The following ADCYAP1R1 variants were observed in gnomAD, a reference collection of about 807,000 sequenced individuals.
ADCYAP1R1 encodes pituitary adenylate cyclase-activating polypeptide type I receptor.
In ADCYAP1R1, 44 loss-of-function variants were observed where a neutral mutation model predicts 67.6. The observed-to-expected ratio is 0.65, with a 90% CI of 0.51 to 0.84. The LOEUF (loss-of-function observed/expected upper bound fraction) is 0.84, where lower values mean the gene tolerates loss of function less well. Among genes scored for constraint, ADCYAP1R1 ranks in the 40% least tolerant of loss-of-function variants. The pLI is 0.00. For synonymous variants in ADCYAP1R1, 222 were observed against 219.6 expected, an observed-to-expected ratio of 1.01 and a Z score of -0.10; for missense variants, 477 against 587.9, an observed-to-expected ratio of 0.81 and a Z score of 1.95.
intron 1 of ADCYAP1R1, among the ~76,000 whole-genome samples, chr7:31,061,457 C>T (rs529621344): frequency 4.5e-4 from 68 of 152,300 alleles, no homozygotes; most frequent in Non-Finnish European, 9.3e-4. Context: ...GGTACAGAGA[C>T]GGAAGCCTGA....
intron 3 of ADCYAP1R1, 73 bp downstream of exon 3, chr7:31,065,009 C>CT: frequency 8.3e-7 from 1 of 1,202,880 alleles, no homozygotes; most frequent in Non-Finnish European, 1.2e-6. Context: ...TGCTCAGGCT[C>CT]GGCCAGTGAG....
intron 2 of ADCYAP1R1, 149 bp downstream of exon 2, chr7:31,063,464 T>G: frequency 1.3e-6 from 1 of 790,306 alleles, no homozygotes. Context: ...AGTGCCTTTG[T>G]GTGAATCAGA....
chr7:31,059,860 G>A (rs559253846), intron 1 of ADCYAP1R1, among the ~76,000 whole-genome samples: 2 of 151,804 alleles, frequency 1.3e-5, no homozygotes, highest in East Asian at 3.9e-4. Flanking sequence ...CAGCGGAGTC[G>A]AGGCCTGGGA....
Position 31,105,011 on chromosome 7 carries a change from A to G in ADCYAP1R1, c.1218+102A>G. On this transcript the variant is annotated intron_variant, in intron 15 of 15. Transcript: ENST00000304166. Reference sequence around the variant, plus strand: ...GCCACATGGGACTGACTCTTCAGAGAGGGCTCTGCCAGGCTCCCAGCACTG... The same window carrying G: ...GCCACATGGGACTGACTCTTCAGAGGGGGCTCTGCCAGGCTCCCAGCACTG... The G allele has an allele frequency of 4.8e-6, 6 of 1,244,028 alleles. No individual in the cohort carries two copies. The South Asian group carries it at 7.2e-5, about 15-fold the overall frequency. 77.1% of individuals were successfully genotyped at this position (1,244,028 alleles called of 1,614,324 possible). A position where few individuals can be genotyped will look rare whatever the true frequency, so the allele number is the denominator to read the frequency against.
chr7:31,052,866 C>A (rs1437732363), intron 1 of ADCYAP1R1, among the ~76,000 whole-genome samples, 188 bp downstream of exon 1: 1 of 152,132 alleles, frequency 6.6e-6, no homozygotes, highest in Non-Finnish European at 1.5e-5. Flanking sequence ...AAATGAAGCC[C>A]CCTCCCGCCG....
intron 3 of ADCYAP1R1, among the ~76,000 whole-genome samples, chr7:31,068,180 C>T (rs1266046561): frequency 1.3e-5 from 2 of 151,894 alleles, no homozygotes; most frequent in African/African-American, 4.9e-5. Context: ...GGTTCTCTGT[C>T]TCTGTCTCTC....
At chr7:31,083,139 G>C (rs1417065340) in intron 6 of ADCYAP1R1, among the ~76,000 whole-genome samples, 1 of 152,274 alleles carries the variant, frequency 6.6e-6, no homozygotes, top group Non-Finnish European at 1.5e-5. Flanking sequence ...TGAATGCTGT[G>C]AAGGGAAGAA....
Position 31,110,584 on chromosome 7 carries a change from C to G in ADCYAP1R1, c.*3900C>G, listed in dbSNP as rs1796824111. 1 of 152,454 alleles carries G rather than the reference C, an allele frequency of 6.6e-6. No homozygotes were observed. The highest frequency in any genetic ancestry group is 1.5e-5 in the Non-Finnish European group (1 of 68,050). The allele number at this position is 152,454 out of a possible 1,614,324, so 9.4% of individuals were successfully genotyped here. A position where few individuals can be genotyped will look rare whatever the true frequency, so the allele number is the denominator to read the frequency against. ...AGCCCTGCACATGAGCAGAATGTGA[C>G]ACTCAAAGCATCCATGCAGTACGCA... On this transcript the variant is annotated 3_prime_UTR_variant, in exon 16 of 16. Coordinates refer to ENST00000304166, the MANE Select transcript of ADCYAP1R1 (RefSeq NM_001118.5).
chr7:31,080,495 T>A (rs1419581371), intron 4 of ADCYAP1R1, 118 bp from the exon 5 acceptor site: 1 of 1,038,944 alleles, frequency 9.6e-7, no homozygotes, highest in African/African-American at 1.6e-5. Context: ...CTCTTTAATG[T>A]TTGGGGTTGG....
intron 7 of ADCYAP1R1, 113 bp downstream of exon 7, chr7:31,084,363 G>A (rs1795649967): frequency 6.3e-6 from 5 of 797,954 alleles, no homozygotes; most frequent in Non-Finnish European, 1.1e-5. Flanking sequence ...CTGGGATGCT[G>A]CCTACTCCTC....
intron 15 of ADCYAP1R1, among the ~76,000 whole-genome samples, chr7:31,105,899 T>A (rs190682047): frequency 6.6e-6 from 1 of 152,304 alleles, no homozygotes; most frequent in African/African-American, 2.4e-5. Context: ...AGAAGGCACA[T>A]GGAGGCTGAG....
intron 1 of ADCYAP1R1, among the ~76,000 whole-genome samples, chr7:31,059,968 G>T (rs1379450464): frequency 6.6e-6 from 1 of 152,066 alleles, no homozygotes; most frequent in African/African-American, 2.4e-5. Context: ...CCAAGAGAAG[G>T]TAACAGTGGG....
intron 14 of ADCYAP1R1, 103 bp downstream of exon 14, chr7:31,103,469 G>A (rs1584549315): frequency 1.8e-5 from 27 of 1,528,600 alleles, no homozygotes; most frequent in East Asian, 1.6e-4. Flanking sequence ...TGTAAAGTGA[G>A]TGCTAGAGTA....
chr7:31,097,774 G>A (rs1418661633), intron 13 of ADCYAP1R1, among the ~76,000 whole-genome samples: 1 of 152,080 alleles, frequency 6.6e-6, no homozygotes, highest in African/African-American at 2.4e-5. Flanking sequence ...AATTTGGGGT[G>A]AAGGTTTAAG....
In ADCYAP1R1 at chr7:31,106,568, C is replaced by T. The variant is rs1417501235; in HGVS notation, c.1291C>T (p.Arg431Ter). ...TTACTTCGCTGTGGACTTCAAGCAC[C>T]GACACCCGTCTCTGGCCAGCAGTGG... is the stretch of plus-strand genomic sequence containing the variant. ...NRYFAVDFKHRHPSLASSGVN... is the reference protein window; with the variant it reads ...NRYFAVDFKH Residue 431 changes from arginine (R) to a stop codon, truncating the protein, a stop_gained, in exon 16 of 16, where the codon CGA (arginine) becomes TGA (stop). Transcript: ENST00000304166. LOFTEE classifies it high-confidence loss of function. 1.4e-5 allele frequency: 22 copies of T among 1,613,930 alleles called. No individual in the cohort carries two copies. Among genetic ancestry groups the T allele is most frequent in the South Asian group, 2.2e-5 (2 of 91,076 alleles).
At chr7:31,071,240 C>A (rs376406502) in intron 3 of ADCYAP1R1, among the ~76,000 whole-genome samples, 6 of 152,172 alleles carry the variant, frequency 3.9e-5, no homozygotes, top group Admixed American at 6.6e-5. Flanking sequence ...ATAGCTTATG[C>A]GTTCTCTTTC....
intron 1 of ADCYAP1R1, among the ~76,000 whole-genome samples, chr7:31,062,845 T>A (rs1286988154): frequency 3.3e-5 from 5 of 152,234 alleles, no homozygotes; most frequent in Non-Finnish European, 7.3e-5. Context: ...TGAGCATGCA[T>A]GTGCCAGCTA....
At chr7:31,082,112 C>T (rs1795542293) in intron 6 of ADCYAP1R1, among the ~76,000 whole-genome samples, 1 of 152,206 alleles carries the variant, frequency 6.6e-6, no homozygotes, top group Admixed American at 6.5e-5. Context: ...TTGTTAAACC[C>T]AGGTTCCTGG....
At chr7:31,104,788 G>C in intron 14 of ADCYAP1R1, 80 bp from the exon 15 acceptor site, 2 of 1,506,140 alleles carry the variant, frequency 1.3e-6, no homozygotes, top group Non-Finnish European at 9.2e-7. Flanking sequence ...CTGCTTCCTA[G>C]AGTCATCCCC....
Sources: allele counts gnomAD v4.1 joint callset (sites outside exome capture counted in the v4.1 genomes callset), GRCh38; gene constraint gnomAD v4.1.1; transcripts MANE v1.5; gene names NCBI Gene and HGNC (gene_info 2026-07-23, HGNC 2026-07-21).